The following COL17A1 variants were observed in gnomAD, a reference collection of about 807,000 sequenced individuals.
COL17A1 encodes the protein collagen type XVII alpha 1 chain.
In COL17A1, 181 loss-of-function variants were observed where a neutral mutation model predicts 218.4. The ratio of observed to expected loss-of-function variants is 0.83; its 90% CI spans 0.73 to 0.94. The LOEUF is 0.94. Among genes scored for constraint, COL17A1 ranks in the 40% least tolerant of loss-of-function variants. The pLI is 0.00. For missense variants in COL17A1, 1,924 were observed against 1,945.9 expected, an observed-to-expected ratio of 0.99 and a Z score of 0.21; for synonymous variants, 721 against 731.0, an observed-to-expected ratio of 0.99 and a Z score of 0.22.
chr10:104,067,334 TAAAAAAAAAAA>T (rs58260510), intron 9 of COL17A1, among the ~76,000 whole-genome samples: 1 of 110,430 alleles, frequency 9.1e-6, no homozygotes, highest in African/African-American at 3.7e-5. Context: ...GGCTCAGGAA[TAAAAAAAAAAA>T]AAAAAAAAAA....
At chr10:104,036,114 G>GTC (rs1377956550) in intron 48 of COL17A1, among the ~76,000 whole-genome samples, 2 of 25,716 alleles carry the variant, frequency 7.8e-5, no homozygotes, top group African/African-American at 1.4e-4. Context: ...GAGTGTGTGT[G>GTC]TATGGGAGTG....
chr10:104,047,768 G>A lies in COL17A1; in HGVS notation c.2306C>T (p.Pro769Leu). 6.2e-7 allele frequency: 1 copy of A among 1,614,176 alleles called. No homozygotes were observed. Among genetic ancestry groups the A allele is most frequent in the Non-Finnish European group, 8.5e-7 (1 of 1,180,022 alleles). ...LTGMPGIRGP[P>L]GPSGDPGKPG... is the part of the protein sequence containing the mutation. ...CTTTCCTGGGTCTCCAGAAGGTCCTGGTGGGCCACGGATTCCAGGCATCCC... is the reference window on the plus strand; with the variant it reads ...CTTTCCTGGGTCTCCAGAAGGTCCTAGTGGGCCACGGATTCCAGGCATCCC... Residue 769 changes from proline to leucine, a missense_variant, in exon 31 of 56, where the codon CCA becomes CTA. Transcript: ENST00000648076.
intron 29 of COL17A1, among the ~76,000 whole-genome samples, chr10:104,048,950 A>C (rs2086440402): frequency 6.6e-6 from 1 of 151,874 alleles, no homozygotes; most frequent in Non-Finnish European, 1.5e-5. Flanking sequence ...GATCATCCTG[A>C]GTCCCAGGGA....
Position 104,034,272 on chromosome 10 carries a change from CA to C in COL17A1, c.3828del (p.Asp1278ThrfsTer34). ...TCCGTGGACAGGAGGCGGCTGTCCC[CA>C]GGGGGTCCCTGCGGCCCAGGAGGGC... ...PPGPPGPQGP[P>X]GDSRLLSTDA... On this transcript the variant is annotated frameshift_variant, in exon 52 of 56. Transcript: ENST00000648076. LOFTEE classifies it high-confidence loss of function. 6.3e-7 allele frequency: 1 copy of C among 1,598,136 alleles called. No individual in the cohort carries two copies. Among genetic ancestry groups the C allele is most frequent in the Non-Finnish European group, 8.5e-7 (1 of 1,174,104 alleles).
chr10:104,078,149 G>T (rs1037127442), intron 3 of COL17A1, among the ~76,000 whole-genome samples: 3 of 152,162 alleles, frequency 2.0e-5, no homozygotes, highest in Non-Finnish European at 2.9e-5. Flanking sequence ...AAGCTTGACT[G>T]GTAGCCCCCA....
intron 3 of COL17A1, 60 bp from the exon 4 acceptor site, chr10:104,077,586 GTCCCCCAC>G: frequency 1.4e-6 from 2 of 1,404,046 alleles, no homozygotes; most frequent in Non-Finnish European, 2.0e-6. Flanking sequence ...GGATCCCCTG[GTCCCCCAC>G]CCTGTGGAAG....
Position 104,062,281 on chromosome 10 carries a change from T to C in COL17A1, c.887A>G (p.His296Arg). 1.2e-6 allele frequency: 2 copies of C among 1,614,204 alleles called. No homozygotes were observed. The highest frequency in any genetic ancestry group is 1.3e-5 in the African/African-American group (1 of 75,050). The change falls in exon 12 of 56, where the codon CAT becomes CGT. Residue 296 changes from histidine (H) to arginine (R), a missense_variant. His to Arg is a conservative substitution (Grantham distance 29). Transcript: ENST00000648076. ...NLAPSLTTLSHGTTTTSTAYG... is the reference protein window; with the variant it reads ...NLAPSLTTLSRGTTTTSTAYG... ...ACCTGTGGAAGTGGTGGTGGTGCCA[T>C]GGGACAGGGTGGTCAAGCTGGGGGC...
At position 104,070,421 on chromosome 10, in the gene COL17A1, C is replaced by T. The variant is rs764726645; in HGVS notation, c.607+5G>A. ...CTCCTCGGCAGCCTGGGCTGTCAGA[C>T]TTACCCGACTGGGAGCTCGCTGTCA... On this transcript the variant is annotated splice_donor_5th_base_variant and intron_variant, in intron 9 of 55. Coordinates refer to ENST00000648076, the MANE Select transcript of COL17A1 (RefSeq NM_000494.4). 6.2e-7 allele frequency: 1 copy of T among 1,613,282 alleles called. No homozygotes were observed. The highest frequency in any genetic ancestry group is 8.5e-7 in the Non-Finnish European group (1 of 1,180,022).
chr10:104,077,352 TA>T lies in COL17A1; in HGVS notation c.202+69del, dbSNP rs1285457172. 53 of 1,220,516 alleles carry T rather than the reference TA, an allele frequency of 4.3e-5. 1 individual carries two copies. In the East Asian group the frequency reaches 5.1e-4, roughly 12 times the overall value. The allele number at this position is 1,220,516 out of a possible 1,614,324, so 75.6% of individuals were successfully genotyped here. On this transcript the variant is annotated intron_variant, in intron 4 of 55. Coordinates refer to ENST00000648076, the MANE Select transcript of COL17A1 (RefSeq NM_000494.4). ...AATTGTGTCTGCCCTGTGTCCTGTG[TA>T]GGACTTTCTTGGTGTCTCTCTCTTT... is the stretch of plus-strand genomic sequence containing the variant.
intron 4 of COL17A1, among the ~76,000 whole-genome samples, chr10:104,077,217 C>G (rs2086718132): frequency 6.6e-6 from 1 of 152,140 alleles, no homozygotes. Context: ...ATTTGCACCC[C>G]CGGTCTCCAG....
intron 14 of COL17A1, among the ~76,000 whole-genome samples, 179 bp from the exon 15 acceptor site, chr10:104,059,897 G>T (rs558374628): frequency 1.3e-5 from 2 of 152,272 alleles, no homozygotes; most frequent in South Asian, 4.1e-4. Context: ...TAGACTTGCT[G>T]TCGCCCAAAT....
rs7070816 is a variant in COL17A1, at chr10:104,032,807, G to A, written c.4358-53C>T. On this transcript the variant is annotated intron_variant, in intron 54 of 55. Coordinates refer to ENST00000648076, the MANE Select transcript of COL17A1 (RefSeq NM_000494.4). Reference sequence around the variant, plus strand: ...GTAATACATGAGTCTGGGGACTGAGGGCACAGGTAGCCGGTGTGGCACCAG... The same window carrying A: ...GTAATACATGAGTCTGGGGACTGAGAGCACAGGTAGCCGGTGTGGCACCAG... 4.1e-3 allele frequency: 6,641 copies of A among 1,610,126 alleles called. 201 individuals are homozygous for A. The African/African-American group carries it at 0.069, about 17-fold the overall frequency.
chr10:104,067,196 C>G (rs1337782856), intron 9 of COL17A1, among the ~76,000 whole-genome samples: 1 of 151,870 alleles, frequency 6.6e-6, no homozygotes, highest in Non-Finnish European at 1.5e-5. Context: ...AAGATCGGGC[C>G]CAAATGCAGG....
chr10:104,063,088 A>C (rs544601459), intron 11 of COL17A1, among the ~76,000 whole-genome samples: 1 of 152,312 alleles, frequency 6.6e-6, no homozygotes, highest in East Asian at 1.9e-4. Context: ...CTGAATGCAA[A>C]ACTTGTACTT....
intron 17 of COL17A1, 146 bp from the exon 18 acceptor site, chr10:104,056,149 G>A (rs1177126133): frequency 4.9e-5 from 48 of 983,528 alleles, no homozygotes; most frequent in East Asian, 1.0e-4. Flanking sequence ...ATAATCTGCC[G>A]TGGCCACCAG....
Position 104,039,116 on chromosome 10 carries a change from G to A in COL17A1, c.2902C>T (p.Pro968Ser), listed in dbSNP as rs748600620. The A allele has an allele frequency of 6.2e-7, 1 of 1,614,092 alleles. No homozygotes were observed. The change falls in exon 44 of 56, where the codon CCA (proline) becomes TCA (serine). Residue 968 changes from proline (P) to serine (S), a missense_variant. Pro to Ser is a moderately conservative substitution (Grantham distance 74). Transcript: ENST00000648076. ...ATGCCAAGAGCCCCTGGAACACCTG[G>A]ATCACCTGGAATCCAAAATGAGAAG... ...PQGPKGDKGD[P>S]GVPGALGIPS...
Position 104,055,823 on chromosome 10 carries a change from C to T in COL17A1, c.1646G>A (p.Trp549Ter). 1.2e-6 allele frequency: 2 copies of T among 1,614,218 alleles called. No homozygotes were observed. The highest frequency in any genetic ancestry group is 2.2e-5 in the South Asian group (2 of 91,084). The part of the protein sequence containing the change: ...GLHSDSQEEL[W>*]MFVRKKLMME... ...CATTAGCTTCTTCCTCACGAACATC[C>T]AGAGCTCCTCCTGGCTGTCACTGTG... Residue 549 changes from tryptophan (W) to a stop codon, truncating the protein, a stop_gained, in exon 18 of 56, where the codon TGG (tryptophan) becomes TAG (stop). Coordinates refer to ENST00000648076, the MANE Select transcript of COL17A1 (RefSeq NM_000494.4). LOFTEE classifies it high-confidence loss of function.
In COL17A1 at chr10:104,074,271, A is replaced by G. The variant is rs2134652225; in HGVS notation, c.332-40T>C. 2.5e-6 allele frequency: 4 copies of G among 1,614,024 alleles called. No individual in the cohort carries two copies. In the East Asian group the frequency reaches 8.9e-5, roughly 36 times the overall value. ...AAACACTTAGAACAAATGGCCTCTTAGGCCCATAAAGCTTCCAAAACGGGA... is the reference window on the plus strand; with the variant it reads ...AAACACTTAGAACAAATGGCCTCTTGGGCCCATAAAGCTTCCAAAACGGGA... On this transcript the variant is annotated intron_variant, in intron 5 of 55. Transcript: ENST00000648076.
Position 104,035,524 on chromosome 10 carries a change from G to T in COL17A1, c.3458C>A (p.Pro1153His). Residue 1153 changes from proline (P) to histidine (H), a missense_variant, in exon 49 of 56, where the codon CCC (proline) becomes CAC (histidine). Physicochemically the swap from Pro to His is moderately conservative, Grantham distance 77 (BLOSUM62 -2). Coordinates refer to ENST00000648076, the MANE Select transcript of COL17A1 (RefSeq NM_000494.4). Reference protein sequence around the residue: ...ISIGLPGPPGPPGLPGTSYEE... With the variant: ...ISIGLPGPPGHPGLPGTSYEE... ...ATAGGAGGTTCCCGGCAAGCCAGGG[G>T]GCCCCGGGGGACCAGGAAGCCCAAT... 6.2e-7 allele frequency: 1 copy of T among 1,614,076 alleles called. No individual in the cohort carries two copies. The highest frequency in any genetic ancestry group is 2.2e-5 in the East Asian group (1 of 44,882).
Sources: allele counts gnomAD v4.1 joint callset (sites outside exome capture counted in the v4.1 genomes callset), GRCh38; gene constraint gnomAD v4.1.1; transcripts MANE v1.5; gene names NCBI Gene and HGNC (gene_info 2026-07-23, HGNC 2026-07-21).